Variants in ADGRA3 observed in about 807,000 individuals in gnomAD.
ADGRA3 encodes adhesion G protein-coupled receptor A3, also known as G-protein coupled receptor 125.
In ADGRA3, 56 loss-of-function variants were observed where a neutral mutation model predicts 119.8. The ratio of observed to expected loss-of-function variants is 0.47; its 90% CI spans 0.38 to 0.58. ADGRA3 has a LOEUF of 0.58. Ranked by LOEUF, ADGRA3 falls within the 20% of genes least tolerant of loss-of-function variation. The pLI is 0.00. For missense variants in ADGRA3, 1,516 were observed against 1,649.0 expected (o/e 0.92, Z 1.40); for synonymous variants, 607 against 623.8 (o/e 0.97, Z 0.40).
At chr4:22,478,244 A>G (rs1049479295) in intron 1 of ADGRA3, 2 of 152,198 alleles carry the variant, frequency 1.3e-5, no homozygotes, top group African/African-American at 4.8e-5. Flanking sequence ...CTGGAATACA[A>G]AAACAGGAGT....
At chr4:22,510,886 T>C (rs1363345523) in intron 1 of ADGRA3, among the ~76,000 whole-genome samples, 1 of 152,254 alleles carries the variant, frequency 6.6e-6, no homozygotes, top group Non-Finnish European at 1.5e-5. Flanking sequence ...AATTGTTCCC[T>C]AAATGTCTGC....
chr4:22,489,222 G>T (rs148743831), intron 1 of ADGRA3, among the ~76,000 whole-genome samples: 48 of 152,252 alleles, frequency 3.2e-4, no homozygotes, highest in African/African-American at 1.1e-3. Flanking sequence ...GATCTCATGA[G>T]ACTTATTCAC....
At chr4:22,489,435 C>T (rs894015538) in intron 1 of ADGRA3, among the ~76,000 whole-genome samples, 3 of 152,024 alleles carry the variant, frequency 2.0e-5, no homozygotes, top group African/African-American at 4.8e-5. Context: ...TTTAATGGCA[C>T]TAAATTGTAC....
At chr4:22,390,809 T>C (rs931878661) in intron 17 of ADGRA3, among the ~76,000 whole-genome samples, 8 of 152,106 alleles carry the variant, frequency 5.3e-5, no homozygotes, top group Non-Finnish European at 4.4e-5. Context: ...CAGCTGCCTT[T>C]TCCTTAACTC....
At position 22,438,484 on chromosome 4, in the gene ADGRA3, G is replaced by T. The variant is rs1019221330; in HGVS notation, c.921-64C>A. 2.1e-5 allele frequency: 26 copies of T among 1,249,812 alleles called. No homozygotes were observed. In the South Asian group the frequency reaches 3.6e-4, roughly 17 times the overall value. 77.4% of individuals were successfully genotyped at this position (1,249,812 alleles called of 1,614,324 possible). A position where few individuals can be genotyped will look rare whatever the true frequency, so the allele number is the denominator to read the frequency against. ...TTAGGCAAAAAAGGAGACAATAATG[G>T]GTCTCAATCATTAATTTAGCAAATA... is the stretch of plus-strand genomic sequence containing the variant. On this transcript the variant is annotated intron_variant, in intron 7 of 18. Coordinates refer to ENST00000334304, the MANE Select transcript of ADGRA3 (RefSeq NM_145290.4).
In ADGRA3 at chr4:22,455,827, C is replaced by T. The variant is rs1284297222; in HGVS notation, c.402-890G>A. 3.9e-6 allele frequency: 5 copies of T among 1,287,844 alleles called. No individual in the cohort carries two copies. In the Admixed American group the frequency reaches 6.9e-5, roughly 18 times the overall value. The allele number at this position is 1,287,844 out of a possible 1,614,324, so 79.8% of individuals were successfully genotyped here. ...AACTTACACCTGGCATGGCATGACT[C>T]GCATCATTGTTTTCAGTGGACTTAG... On this transcript the variant is annotated intron_variant, in intron 3 of 18. Coordinates refer to ENST00000334304, the MANE Select transcript of ADGRA3 (RefSeq NM_145290.4).
chr4:22,509,380 G>A (rs1719357709), intron 1 of ADGRA3, among the ~76,000 whole-genome samples: 1 of 151,990 alleles, frequency 6.6e-6, no homozygotes, highest in South Asian at 2.1e-4. Flanking sequence ...GCGTGCACCT[G>A]TAATCCCAGC....
At chr4:22,453,546 T>G (rs768192885) in intron 4 of ADGRA3, among the ~76,000 whole-genome samples, 3 of 152,224 alleles carry the variant, frequency 2.0e-5, no homozygotes, top group African/African-American at 4.8e-5. Flanking sequence ...TAATTGGTTT[T>G]TCAAAGGTAA....
At chr4:22,470,065 A>G (rs1717802327) in intron 2 of ADGRA3, among the ~76,000 whole-genome samples, 1 of 152,214 alleles carries the variant, frequency 6.6e-6, no homozygotes, top group South Asian at 2.1e-4. Context: ...AATTTAAATC[A>G]GCTACATGGA....
chr4:22,420,891 G>C lies in ADGRA3; in HGVS notation c.1804C>G (p.Leu602Val), dbSNP rs1217479488. ...GATTGCAGAATGTAACATACCTTTA[G>C]TGCCAGACTCGAAAATGTATTTGAA... ...NVSNTFSSLA[L>V]KNTIVEASIQ... The change falls in exon 12 of 19, where the codon CTA becomes GTA. Residue 602 changes from leucine to valine, a missense_variant. Around this residue, in one of 2 missense-constraint regions of ADGRA3, gnomAD observed 1,088 missense variants for 1,107.1 expected, o/e 0.98. Transcript: ENST00000334304. 1 of 1,613,338 alleles carries C rather than the reference G, an allele frequency of 6.2e-7. No homozygotes were observed. Among genetic ancestry groups the C allele is most frequent in the Admixed American group, 1.7e-5 (1 of 60,008 alleles).
intron 14 of ADGRA3, among the ~76,000 whole-genome samples, chr4:22,410,892 AT>A (rs1373679726): frequency 2.0e-5 from 3 of 152,198 alleles, no homozygotes; most frequent in African/African-American, 7.2e-5. Flanking sequence ...TAGAAAAAAA[AT>A]CTTAGTACTA....
At chr4:22,426,010 T>A (rs887984949) in intron 10 of ADGRA3, among the ~76,000 whole-genome samples, 1 of 152,226 alleles carries the variant, frequency 6.6e-6, no homozygotes, top group African/African-American at 2.4e-5. Flanking sequence ...TCTTTCTGAA[T>A]GTTGTGGAGA....
At chr4:22,423,968 T>C (rs1198748671) in intron 11 of ADGRA3, among the ~76,000 whole-genome samples, 1 of 152,122 alleles carries the variant, frequency 6.6e-6, no homozygotes, top group African/African-American at 2.4e-5. Flanking sequence ...GAAGAAATTC[T>C]GTAATAACTT....
intron 16 of ADGRA3, among the ~76,000 whole-genome samples, chr4:22,395,561 G>C (rs1379060171): frequency 6.6e-6 from 1 of 152,182 alleles, no homozygotes; most frequent in East Asian, 1.9e-4. Context: ...AGATTACACA[G>C]TCAATAGTAC....
At chr4:22,406,230 G>C (rs946390362) in intron 14 of ADGRA3, among the ~76,000 whole-genome samples, 2 of 152,152 alleles carry the variant, frequency 1.3e-5, no homozygotes, top group African/African-American at 4.8e-5. Context: ...TGGACTGATG[G>C]ACACTTAACG....
intron 1 of ADGRA3, among the ~76,000 whole-genome samples, chr4:22,510,900 CT>C (rs1170044987): frequency 6.6e-6 from 1 of 152,198 alleles, no homozygotes; most frequent in African/African-American, 2.4e-5. Flanking sequence ...TGTCTGCTTC[CT>C]ATTGTGCAAA....
chr4:22,390,676 G>C (rs1030726857), intron 17 of ADGRA3, among the ~76,000 whole-genome samples: 22 of 151,990 alleles, frequency 1.4e-4, no homozygotes, highest in African/African-American at 5.1e-4. Flanking sequence ...AGGCAGCAGT[G>C]TTGCTCAGGC....
At chr4:22,492,829 G>T (rs1471189515) in intron 1 of ADGRA3, among the ~76,000 whole-genome samples, 2 of 152,228 alleles carry the variant, frequency 1.3e-5, no homozygotes, top group African/African-American at 4.8e-5. Flanking sequence ...ATCATCTAGA[G>T]ATGACCATTT....
At chr4:22,410,227 C>A (rs1040069035) in intron 14 of ADGRA3, among the ~76,000 whole-genome samples, 9 of 152,174 alleles carry the variant, frequency 5.9e-5, no homozygotes, top group African/African-American at 1.9e-4. Context: ...ATCTTCACCA[C>A]TAGTGATTAA....
Sources: allele counts gnomAD v4.1 joint callset (sites outside exome capture counted in the v4.1 genomes callset), GRCh38; gene constraint gnomAD v4.1.1; regional missense constraint gnomAD v4.1.1; transcripts MANE v1.5; gene names NCBI Gene and HGNC (gene_info 2026-07-23, HGNC 2026-07-21).